The following TBC1D22A variants were observed in gnomAD, a reference collection of about 807,000 sequenced individuals.
TBC1D22A encodes the protein putative GTPase activator.
In TBC1D22A, 38 loss-of-function variants were observed where a neutral mutation model predicts 60.2. The observed-to-expected ratio is 0.63, with a 90% CI of 0.49 to 0.83. TBC1D22A has a LOEUF of 0.83. TBC1D22A is among the 40% of genes least tolerant of loss of function. The probability of loss-of-function intolerance (pLI) is 0.00; values close to 1 mark genes in which losing one functional copy is unlikely to be tolerated. For missense variants in TBC1D22A, 628 were observed against 701.0 expected (o/e 0.90, Z 1.18); for synonymous variants, 302 against 281.7 (o/e 1.07, Z -0.72).
intron 12 of TBC1D22A, among the ~76,000 whole-genome samples, chr22:47,126,709 G>A (rs1341050321): frequency 2.6e-5 from 4 of 152,216 alleles, no homozygotes; most frequent in Non-Finnish European, 4.4e-5. Context: ...GCTGGGATGG[G>A]AAGCCCAGGG....
chr22:46,943,081 TCC>T (rs1215296418), intron 8 of TBC1D22A, among the ~76,000 whole-genome samples: 1 of 152,102 alleles, frequency 6.6e-6, no homozygotes, highest in Admixed American at 6.6e-5. Context: ...CCAGAGGACT[TCC>T]GCAGGTGTCA....
At position 46,950,954 on chromosome 22, in the gene TBC1D22A, C is replaced by T. The variant is rs140810159; in HGVS notation, c.1016-23336C>T. Among the ~76,000 whole-genome samples, 794 of 152,244 alleles carry T rather than the reference C, an allele frequency of 5.2e-3. 4 individuals are homozygous for T. The highest frequency in any genetic ancestry group is 0.018 in the African/African-American group (760 of 41,538). On this transcript the variant is annotated intron_variant, in intron 8 of 12. Transcript: ENST00000337137. Reference sequence around the variant, plus strand: ...CCCTCTCACATTCCTTGTAAGTGTTCGGGATATGTGTTTGTCCTGAAATAC... The same window carrying T: ...CCCTCTCACATTCCTTGTAAGTGTTTGGGATATGTGTTTGTCCTGAAATAC...
chr22:46,764,929 T>A (rs2083234651), intron 1 of TBC1D22A, among the ~76,000 whole-genome samples: 1 of 152,194 alleles, frequency 6.6e-6, no homozygotes, highest in African/African-American at 2.4e-5. Context: ...AGAATAAGTG[T>A]CTGTTGTGTT....
At chr22:47,096,769 C>T (rs556141069) in intron 11 of TBC1D22A, among the ~76,000 whole-genome samples, 5 of 152,240 alleles carry the variant, frequency 3.3e-5, no homozygotes, top group Admixed American at 6.5e-5. Flanking sequence ...TTGCAGTGAG[C>T]CGAGATTGTG....
intron 7 of TBC1D22A, among the ~76,000 whole-genome samples, chr22:46,904,275 A>T (rs2069280267): frequency 1.3e-5 from 2 of 152,044 alleles, no homozygotes; most frequent in Admixed American, 1.3e-4. Context: ...AGAGTCCCAC[A>T]GCATGTGTCC....
intron 8 of TBC1D22A, among the ~76,000 whole-genome samples, chr22:46,948,842 GTCAGAAAA>G (rs914148598): frequency 5.3e-5 from 8 of 152,206 alleles, no homozygotes; most frequent in Non-Finnish European, 1.0e-4. Context: ...TGCTACCGAA[GTCAGAAAA>G]TCAGAAAATC....
intron 8 of TBC1D22A, among the ~76,000 whole-genome samples, chr22:46,927,991 A>T (rs2071144597): frequency 6.6e-6 from 1 of 152,228 alleles, no homozygotes; most frequent in African/African-American, 2.4e-5. Context: ...TTAAGGTGGC[A>T]TTCTTTCTCA....
At chr22:46,897,098 G>T (rs982196300) in intron 7 of TBC1D22A, among the ~76,000 whole-genome samples, 7 of 152,064 alleles carry the variant, frequency 4.6e-5, no homozygotes, top group Middle Eastern at 3.2e-3. Context: ...ACCGGTGGAG[G>T]GTGTCCAGGT....
intron 1 of TBC1D22A, among the ~76,000 whole-genome samples, chr22:46,774,482 C>T (rs954834989): frequency 2.6e-5 from 4 of 152,256 alleles, no homozygotes; most frequent in African/African-American, 9.6e-5. Context: ...CACGTAGGCC[C>T]TTTGAGTCCA....
chr22:46,793,789 C>T lies in TBC1D22A; in HGVS notation c.408C>T (p.Gly136=), dbSNP rs200385581. The T allele has an allele frequency of 2.1e-4, 338 of 1,599,380 alleles. 1 individual carries two copies. In the East Asian group the frequency reaches 4.2e-3, roughly 20 times the overall value. Residue 136 remains glycine (G), a synonymous_variant, in exon 3 of 13, where the codon GGC becomes GGT. Coordinates refer to ENST00000337137, the MANE Select transcript of TBC1D22A (RefSeq NM_014346.5). ...PEAEPPSPPS[G]DLRLVKSVSE... is the part of the protein sequence containing the mutation. ...CAGAGCCGCCCTCACCCCCCAGCGGCGACCTCCGGCTGGTGAAGTCGGTCA... is the reference window on the plus strand; with the variant it reads ...CAGAGCCGCCCTCACCCCCCAGCGGTGACCTCCGGCTGGTGAAGTCGGTCA...
At chr22:47,107,003 A>G (rs1395952663) in intron 11 of TBC1D22A, among the ~76,000 whole-genome samples, 1 of 152,216 alleles carries the variant, frequency 6.6e-6, no homozygotes, top group Non-Finnish European at 1.5e-5. Flanking sequence ...GTACATAGCT[A>G]GGGAAGATTA....
At chr22:46,986,414 C>G (rs1460896727) in intron 9 of TBC1D22A, among the ~76,000 whole-genome samples, 2 of 149,702 alleles carry the variant, frequency 1.3e-5, no homozygotes, top group African/African-American at 4.9e-5. Flanking sequence ...AAAAAAAAAG[C>G]CTGTTGAGAT....
chr22:47,083,274 C>T (rs1169998310), intron 11 of TBC1D22A, among the ~76,000 whole-genome samples: 3 of 151,886 alleles, frequency 2.0e-5, no homozygotes, highest in Non-Finnish European at 4.4e-5. Context: ...GCTTAGATCT[C>T]TGTGTTTTAA....
chr22:46,890,057 G>A (rs1292003088), intron 5 of TBC1D22A, among the ~76,000 whole-genome samples: 1 of 152,078 alleles, frequency 6.6e-6, no homozygotes, highest in African/African-American at 2.4e-5. Flanking sequence ...AAATATTTGG[G>A]AAAAAAAGGC....
intron 8 of TBC1D22A, among the ~76,000 whole-genome samples, chr22:46,964,010 C>T (rs1003778125): frequency 6.6e-6 from 1 of 152,212 alleles, no homozygotes; most frequent in African/African-American, 2.4e-5. Flanking sequence ...AACAGAGCAC[C>T]AGGACTTGAG....
rs2083769008 is a variant in TBC1D22A at position 46,777,866 on chromosome 22, A to G, written c.63-14654A>G. 6.6e-6 allele frequency among the ~76,000 whole-genome samples: 1 copy of G among 152,202 alleles called. No homozygotes were observed. Among genetic ancestry groups the G allele is most frequent in the Non-Finnish European group, 1.5e-5 (1 of 68,042 alleles). On this transcript the variant is annotated intron_variant, in intron 1 of 12. Coordinates refer to ENST00000337137, the MANE Select transcript of TBC1D22A (RefSeq NM_014346.5). This position sits in a 1 kb window ranked among gnomAD's most constrained non-coding sequence, Gnocchi z 4.5. Reference sequence around the variant, plus strand: ...TAGGTGATTTGGTCCCTGTGTGAACATCACAGAGCACATTTATACAAACCC... The same window carrying G: ...TAGGTGATTTGGTCCCTGTGTGAACGTCACAGAGCACATTTATACAAACCC...
At chr22:46,846,735 G>A (rs1273034354) in intron 4 of TBC1D22A, among the ~76,000 whole-genome samples, 1 of 151,776 alleles carries the variant, frequency 6.6e-6, no homozygotes, top group African/African-American at 2.4e-5. Context: ...ATCAAGATAT[G>A]CCACCAGCCT....
intron 8 of TBC1D22A, among the ~76,000 whole-genome samples, chr22:46,944,886 T>C (rs73890504): frequency 0.03 from 4,614 of 152,334 alleles, 223 homozygotes; most frequent in African/African-American, 0.11. Context: ...TTGATTTATT[T>C]TTTAATTCAC....
chr22:47,157,524 C>A (rs1293270539), intron 12 of TBC1D22A, among the ~76,000 whole-genome samples: 1 of 152,232 alleles, frequency 6.6e-6, no homozygotes, highest in Non-Finnish European at 1.5e-5. Context: ...GTTCTCCCAC[C>A]TTGCCTACCC....
Sources: gnomAD v4.1 joint callset for allele counts (sites outside exome capture counted in the v4.1 genomes callset) on GRCh38, gnomAD v4.1.1 for gene constraint, Gnocchi (gnomAD v3.1) non-coding constraint, MANE v1.5 for transcripts, NCBI Gene and HGNC (gene_info 2026-07-23, HGNC 2026-07-21) for gene names.